Variants in RHBDD1 observed in about 807,000 individuals in gnomAD.
The protein encoded by RHBDD1 is rhomboid domain containing 1, also known as rhomboid-related protein 4.
RHBDD1 carries 38 observed loss-of-function variants against 36.3 expected under a neutral mutation model. The observed-to-expected ratio is 1.05, with a 90% CI of 0.81 to 1.37. The LOEUF (loss-of-function observed/expected upper bound fraction) is 1.37, where lower values mean the gene tolerates loss of function less well. Among genes scored for constraint, RHBDD1 ranks in the 40% most tolerant of loss-of-function variants. The pLI is 0.00. For synonymous variants in RHBDD1, 151 were observed against 136.5 expected (o/e 1.11, Z -0.74); for missense variants, 393 against 377.6 (o/e 1.04, Z -0.34).
intron 8 of RHBDD1, among the ~76,000 whole-genome samples, chr2:226,948,601 TAAA>T (rs60725545): frequency 8.2e-6 from 1 of 122,542 alleles, no homozygotes; most frequent in Non-Finnish European, 1.8e-5. Flanking sequence ...AAAATAAAAA[TAAA>T]AAAAAATAAA....
intron 3 of RHBDD1, among the ~76,000 whole-genome samples, chr2:226,856,135 C>T (rs1943296613): frequency 6.6e-6 from 1 of 152,108 alleles, no homozygotes; most frequent in African/African-American, 2.4e-5. Context: ...GTAAATTGAA[C>T]ATGGTGTAAT....
At chr2:226,860,977 A>G (rs1943800324) in intron 3 of RHBDD1, among the ~76,000 whole-genome samples, 1 of 152,140 alleles carries the variant, frequency 6.6e-6, no homozygotes, top group African/African-American at 2.4e-5. Flanking sequence ...CTGTACCTCC[A>G]GTGCCTGGCA....
At chr2:226,812,213 T>C in the RHBDD1 span, among the ~76,000 whole-genome samples, 1 of 152,256 alleles carries the variant, frequency 6.6e-6, no homozygotes, top group Admixed American at 6.5e-5. Context: ...GCTTGGGATT[T>C]CCTGGGGCAG....
At chr2:226,871,996 T>C (rs999871707) in intron 5 of RHBDD1, among the ~76,000 whole-genome samples, 5 of 152,226 alleles carry the variant, frequency 3.3e-5, no homozygotes, top group African/African-American at 4.8e-5. Context: ...TCAGTGGTTA[T>C]CCTTGTCTGG....
intron 5 of RHBDD1, among the ~76,000 whole-genome samples, chr2:226,871,226 TTC>T (rs955329645): frequency 2.0e-5 from 3 of 152,212 alleles, no homozygotes; most frequent in Admixed American, 1.3e-4. Context: ...TGTTTCAATT[TTC>T]TGTTTTCAAA....
At position 226,877,867 on chromosome 2, in the gene RHBDD1, A is replaced by G. The variant is rs1402901250; in HGVS notation, c.566+10549A>G. 2.6e-5 allele frequency among the ~76,000 whole-genome samples: 4 copies of G among 152,096 alleles called. No individual in the cohort carries two copies. The East Asian group carries it at 5.8e-4, about 22-fold the overall frequency. On this transcript the variant is annotated intron_variant, in intron 5 of 8. Coordinates refer to ENST00000392062, the MANE Select transcript of RHBDD1 (RefSeq NM_001167608.3). ...TGTGTCTGTGAAGAGTGCAGTGACT[A>G]TTGGTATTGTTTGGGGCCACTGCCT...
At chr2:226,817,139 G>C in the RHBDD1 span, among the ~76,000 whole-genome samples, 9 of 152,274 alleles carry the variant, frequency 5.9e-5, no homozygotes, top group Non-Finnish European at 4.4e-5. Context: ...GTGTAGGTGT[G>C]CATAGTGAGC....
intron 5 of RHBDD1, among the ~76,000 whole-genome samples, chr2:226,879,692 T>G (rs913254429): frequency 1.3e-5 from 2 of 152,208 alleles, no homozygotes; most frequent in Non-Finnish European, 2.9e-5. Flanking sequence ...TCTGACAGCT[T>G]GGTAGAAAAT....
At chr2:226,818,084 T>C in the RHBDD1 span, among the ~76,000 whole-genome samples, 1 of 152,090 alleles carries the variant, frequency 6.6e-6, no homozygotes, top group Non-Finnish European at 1.5e-5. Flanking sequence ...AATCAGGAGT[T>C]GCAAACTTCT....
chr2:226,942,565 C>T (rs1305095650), intron 8 of RHBDD1: 2 of 383,910 alleles, frequency 5.2e-6, no homozygotes, highest in Non-Finnish European at 1.0e-5. Context: ...ATTCAGAAAA[C>T]TGAAAACTCA....
intron 8 of RHBDD1, among the ~76,000 whole-genome samples, chr2:226,955,911 G>A (rs367975242): frequency 6.6e-6 from 1 of 152,118 alleles, no homozygotes; most frequent in Non-Finnish European, 1.5e-5. Context: ...ATGAATTGGT[G>A]GGGGGGACAT....
chr2:226,824,952 T>C, the RHBDD1 span, among the ~76,000 whole-genome samples: 1 of 152,232 alleles, frequency 6.6e-6, no homozygotes, highest in Non-Finnish European at 1.5e-5. Flanking sequence ...ACAGGCACAC[T>C]GGAAAGCTAA....
chr2:226,867,180 TTTTAGGAGTTTTG>T lies in RHBDD1; in HGVS notation c.434-2_444del. Reference sequence around the variant, plus strand: ...TGATATTTGCATGTTCTTCATTCTCTTTTAGGAGTTTTGTTTGCTTTGAAAGTTCTTAACAACC... The same window carrying T: ...TGATATTTGCATGTTCTTCATTCTCTTTTGCTTTGAAAGTTCTTAACAACC... On this transcript the variant is annotated splice_acceptor_variant and splice_polypyrimidine_tract_variant and coding_sequence_variant and intron_variant, in exon 5 of 9. Transcript: ENST00000392062. LOFTEE classifies it high-confidence loss of function. The T allele has an allele frequency of 6.2e-7, 1 of 1,602,660 alleles. No homozygotes were observed. The highest frequency in any genetic ancestry group is 1.3e-5 in the African/African-American group (1 of 74,350).
At chr2:226,880,997 T>C (rs1428758189) in intron 5 of RHBDD1, among the ~76,000 whole-genome samples, 3 of 152,146 alleles carry the variant, frequency 2.0e-5, no homozygotes, top group Non-Finnish European at 4.4e-5. Context: ...GGGTAGTTTA[T>C]AAAGGAAAGA....
intron 6 of RHBDD1, 30 bp from the exon 7 acceptor site, chr2:226,908,792 C>T (rs1399418353): frequency 1.3e-6 from 2 of 1,508,262 alleles, no homozygotes; most frequent in Non-Finnish European, 1.8e-6. Flanking sequence ...TTATGGCTGC[C>T]ATTAAAATGT....
chr2:226,895,186 A>T (rs961589850), intron 5 of RHBDD1, among the ~76,000 whole-genome samples: 3 of 152,356 alleles, frequency 2.0e-5, no homozygotes, highest in Admixed American at 6.5e-5. Flanking sequence ...CGCTTGTCAC[A>T]GTGGTGAAAA....
rs773433822 is a variant in RHBDD1 at position 226,864,893 on chromosome 2, G to A, written c.200G>A (p.Arg67His). 27 of 1,614,040 alleles carry A rather than the reference G, an allele frequency of 1.7e-5. No homozygotes were observed. Among genetic ancestry groups the A allele is most frequent in the Admixed American group, 1.3e-4 (8 of 59,998 alleles). Residue 67 changes from arginine (R) to histidine (H), a missense_variant, in exon 4 of 9, where the codon CGT (arginine) becomes CAT (histidine). Transcript: ENST00000392062. ...TGTTACCAGCAAAAAGACTGGCAGC[G>A]TTTACTGCTCTCTCCCCTTCACCAT... ...EKCYQQKDWQ[R>H]LLLSPLHHAD... is the part of the protein sequence containing the mutation.
At chr2:226,806,861 AAACAG>A in the RHBDD1 span, among the ~76,000 whole-genome samples, 2 of 152,256 alleles carry the variant, frequency 1.3e-5, no homozygotes, top group African/African-American at 4.8e-5. Flanking sequence ...CTGAATTCAA[AAACAG>A]AACAGAACAA....
intron 3 of RHBDD1, among the ~76,000 whole-genome samples, chr2:226,849,331 A>G (rs1942552015): frequency 1.3e-5 from 2 of 152,258 alleles, no homozygotes; most frequent in African/African-American, 4.8e-5. Flanking sequence ...GTGACATCCT[A>G]CTGGCACCGG....
Sources: allele counts gnomAD v4.1 joint callset (sites outside exome capture counted in the v4.1 genomes callset), GRCh38; gene constraint gnomAD v4.1.1; transcripts MANE v1.5; gene names NCBI Gene and HGNC (gene_info 2026-07-23, HGNC 2026-07-21).